The following TRIM66 variants were observed in gnomAD, a reference collection of about 807,000 sequenced individuals.
TRIM66 encodes the protein tripartite motif containing 66, also known as tripartite motif-containing protein 66.
Under a neutral mutation model 148.2 loss-of-function variants are expected in TRIM66, and 99 were observed. That is an observed-to-expected ratio of 0.67 (90% CI 0.57 to 0.79). The LOEUF (loss-of-function observed/expected upper bound fraction) is 0.79, where lower values mean the gene tolerates loss of function less well. Ranked by LOEUF, TRIM66 falls within the 30% of genes least tolerant of loss-of-function variation. The pLI, the probability that TRIM66 is intolerant of heterozygous loss-of-function variation, is 0.00. For synonymous variants in TRIM66, 616 were observed against 635.9 expected (o/e 0.97, Z 0.47); for missense variants, 1,666 against 1,697.9 (o/e 0.98, Z 0.33).
Position 8,650,487 on chromosome 11 carries a change from AGGAG to A in TRIM66, c.445-604_445-601del, listed in dbSNP as rs370131372. On this transcript the variant is annotated intron_variant, in intron 7 of 24. Coordinates refer to ENST00000646038, the MANE Select transcript of TRIM66 (RefSeq NM_001388022.1). The stretch of plus-strand genomic sequence containing the variant: ...AAGGAGGAAGGGAAGGAGGAAGGGA[AGGAG>A]GGAGGGAGGGAGGGAGGAGGAGGAG... Among the ~76,000 whole-genome samples the A allele has an allele frequency of 3.3e-3, 400 of 120,836 alleles. 1 individual carries two copies. The highest frequency in any genetic ancestry group is 0.012 in the African/African-American group (371 of 31,942). 79.3% of individuals were successfully genotyped at this position (120,836 alleles called of 152,430 possible).
rs76314648 is a variant in TRIM66 at position 8,656,973 on chromosome 11, T to C, written c.341-5070A>G. 2.0e-3 allele frequency among the ~76,000 whole-genome samples: 306 copies of C among 152,248 alleles called. 2 individuals carry two copies. In the East Asian group the frequency reaches 0.048, roughly 24 times the overall value. On this transcript the variant is annotated intron_variant, in intron 6 of 24. Coordinates refer to ENST00000646038, the MANE Select transcript of TRIM66 (RefSeq NM_001388022.1). ...TCCCACAGCTCAACTGCAGGACCCA[T>C]GAGCAGGCCTAGAGTGCAGCCTGAG... is the stretch of plus-strand genomic sequence containing the variant.
intron 6 of TRIM66, among the ~76,000 whole-genome samples, chr11:8,666,594 CTA>C (rs2038616202): frequency 6.6e-6 from 1 of 151,972 alleles, no homozygotes; most frequent in African/African-American, 2.4e-5. Flanking sequence ...CACAACAGTC[CTA>C]TGAGTTAGTA....
chr11:8,617,887 G>A lies in TRIM66; in HGVS notation c.*57C>T, dbSNP rs769040693. 57 of 1,493,468 alleles carry A rather than the reference G, an allele frequency of 3.8e-5. No individual in the cohort carries two copies. The highest frequency in any genetic ancestry group is 5.0e-5 in the Non-Finnish European group (55 of 1,094,044). 92.5% of individuals were successfully genotyped at this position (1,493,468 alleles called of 1,614,324 possible). ...AAGAGGATAAGCTGCAAGATGGGGAGGAATGGTCGACAGTATGGGACAACA... is the reference window on the plus strand; with the variant it reads ...AAGAGGATAAGCTGCAAGATGGGGAAGAATGGTCGACAGTATGGGACAACA... On this transcript the variant is annotated 3_prime_UTR_variant, in exon 25 of 25. Transcript: ENST00000646038.
Position 8,619,447 on chromosome 11 carries a change from G to C in TRIM66, c.3836C>G (p.Thr1279Ser), listed in dbSNP as rs899051497. The C allele has an allele frequency of 1.9e-6, 3 of 1,551,210 alleles. No individual in the cohort carries two copies. The African/African-American group carries it at 4.1e-5, about 21-fold the overall frequency. ...ATCTGATACCACCTCCTCTGGGGTG[G>C]TATAGTGAGCTGGGTCCTTCTTTTG... ...KLQKKDPAHY[T>S]TPEEVVSDVR... The change falls in exon 23 of 25, where the codon ACC becomes AGC. Residue 1279 changes from threonine (T) to serine (S), a missense_variant. Physicochemically the swap from Thr to Ser is moderately conservative, Grantham distance 58. Coordinates refer to ENST00000646038, the MANE Select transcript of TRIM66 (RefSeq NM_001388022.1).
intron 3 of TRIM66, 121 bp downstream of exon 3, chr11:8,679,499 G>T (rs1452562008): frequency 6.6e-6 from 1 of 152,660 alleles, no homozygotes; most frequent in African/African-American, 2.4e-5. Flanking sequence ...AACTATCCAA[G>T]AGGAGTGTCT....
intron 15 of TRIM66, among the ~76,000 whole-genome samples, chr11:8,632,034 G>A (rs1294616727): frequency 6.6e-6 from 1 of 152,150 alleles, no homozygotes; most frequent in Non-Finnish European, 1.5e-5. Flanking sequence ...CAAGAGAGAG[G>A]AAAACAGATT....
At chr11:8,625,463 T>TTGTATGTGTGTGTGTGTG (rs2034732928) in intron 15 of TRIM66, among the ~76,000 whole-genome samples, 1 of 148,140 alleles carries the variant, frequency 6.8e-6, no homozygotes, top group African/African-American at 2.5e-5. Context: ...CGGAGAACTA[T>TTGTATGTGTGTGTGTGTG]TGTGTGTGTG....
chr11:8,621,941 G>C, intron 18 of TRIM66, 122 bp from the exon 19 acceptor site: 1 of 1,019,552 alleles, frequency 9.8e-7, no homozygotes, highest in Non-Finnish European at 1.4e-6. Flanking sequence ...TTGGATTGAA[G>C]GATACAAAGT....
At chr11:8,655,186 G>A (rs984277726) in intron 6 of TRIM66, among the ~76,000 whole-genome samples, 3 of 152,124 alleles carry the variant, frequency 2.0e-5, no homozygotes. Context: ...GGGAGTTTGT[G>A]TGTTCCATGT....
At chr11:8,619,618 G>T (rs1383150867) in intron 22 of TRIM66, 83 bp from the exon 23 acceptor site, 4 of 1,288,814 alleles carry the variant, frequency 3.1e-6, no homozygotes, top group Non-Finnish European at 4.2e-6. Flanking sequence ...AGAAGAAATG[G>T]AAAATGAGGT....
intron 6 of TRIM66, among the ~76,000 whole-genome samples, chr11:8,653,784 C>T (rs901940109): frequency 6.6e-5 from 10 of 150,652 alleles, no homozygotes; most frequent in South Asian, 2.1e-4. Context: ...TCCCTCACCC[C>T]ACCAAAAAAA....
chr11:8,652,315 A>T (rs1213614550), intron 6 of TRIM66, among the ~76,000 whole-genome samples: 1 of 152,128 alleles, frequency 6.6e-6, no homozygotes, highest in Non-Finnish European at 1.5e-5. Flanking sequence ...GTTCCAGGTC[A>T]TTAAGGTTAC....
chr11:8,617,991 C>A lies in TRIM66; in HGVS notation c.4132G>T (p.Ala1378Ser), dbSNP rs1314472977. ...RRRRHMENER[A>S]KRMSFRLANS... ...GCCAGGCGAAATGACATTCTTTTTG[C>A]TCTTTCATTCTCCTGAAAGAAAAAT... Residue 1378 changes from alanine to serine, a missense_variant, in exon 25 of 25, where the codon GCA (alanine) becomes TCA (serine). By Grantham distance (99) the Ala-to-Ser change is moderately conservative. Around this residue, in one of 3 missense-constraint regions of TRIM66, gnomAD observed 204 missense variants for 231.0 expected, o/e 0.88. Transcript: ENST00000646038. 3 of 1,551,554 alleles carry A rather than the reference C, an allele frequency of 1.9e-6. No individual in the cohort carries two copies. Among genetic ancestry groups the A allele is most frequent in the African/African-American group, 1.4e-5 (1 of 73,056 alleles).
intron 15 of TRIM66, among the ~76,000 whole-genome samples, chr11:8,636,955 C>T (rs1033336282): frequency 2.0e-5 from 3 of 152,122 alleles, no homozygotes; most frequent in Admixed American, 2.0e-4. Flanking sequence ...CTGAAGCCCC[C>T]CTAACTGCCC....
chr11:8,639,998 G>A (rs76006292), intron 14 of TRIM66, among the ~76,000 whole-genome samples: 2,343 of 152,278 alleles, frequency 0.015, 67 homozygotes, highest in African/African-American at 0.054. Flanking sequence ...AAGCTACTCC[G>A]GAGTATACTG....
chr11:8,655,187 T>C (rs910133970), intron 6 of TRIM66, among the ~76,000 whole-genome samples: 6 of 152,158 alleles, frequency 3.9e-5, no homozygotes, highest in Non-Finnish European at 8.8e-5. Context: ...GGAGTTTGTG[T>C]GTTCCATGTG....
chr11:8,636,266 C>T (rs1473317433), intron 15 of TRIM66, among the ~76,000 whole-genome samples: 1 of 152,018 alleles, frequency 6.6e-6, no homozygotes, highest in Non-Finnish European at 1.5e-5. Context: ...CACCCCCACC[C>T]CTTCCCCAAA....
At chr11:8,622,705 AGG>A in intron 18 of TRIM66, 109 bp downstream of exon 18, 1 of 998,380 alleles carries the variant, frequency 1.0e-6, no homozygotes, top group South Asian at 1.5e-5. Context: ...AGGCAGTTGC[AGG>A]CAAATTTCTT....
At chr11:8,675,672 G>A (rs1015660358) in intron 3 of TRIM66, among the ~76,000 whole-genome samples, 8 of 152,074 alleles carry the variant, frequency 5.3e-5, no homozygotes, top group African/African-American at 1.7e-4. Context: ...ATGAGCCATC[G>A]CACCCGGCCT....
Sources: gnomAD v4.1 joint callset for allele counts (sites outside exome capture counted in the v4.1 genomes callset) on GRCh38, gnomAD v4.1.1 for gene constraint, gnomAD v4.1.1 regional missense constraint, MANE v1.5 for transcripts, NCBI Gene and HGNC (gene_info 2026-07-23, HGNC 2026-07-21) for gene names.